The following PTPN13 variants were observed in gnomAD, a reference collection of about 807,000 sequenced individuals.
PTPN13 encodes protein tyrosine phosphatase non-receptor type 13.
Under a neutral mutation model 284.0 loss-of-function variants are expected in PTPN13, and 191 were observed. The observed-to-expected ratio is 0.67, with a 90% CI of 0.60 to 0.76. The LOEUF (loss-of-function observed/expected upper bound fraction) is 0.76, where lower values mean the gene tolerates loss of function less well. Ranked by LOEUF, PTPN13 falls within the 30% of genes least tolerant of loss-of-function variation. The pLI is 0.00. For missense variants in PTPN13, 2,797 were observed against 2,939.9 expected (o/e 0.95, Z 1.12); for synonymous variants, 986 against 1,022.3 (o/e 0.96, Z 0.68).
chr4:86,621,485 TG>T (rs1283973067), intron 1 of PTPN13, among the ~76,000 whole-genome samples: 1 of 152,136 alleles, frequency 6.6e-6, no homozygotes, highest in Admixed American at 6.5e-5. Flanking sequence ...AAAAAGCAAG[TG>T]TTTTTTTTTA....
At chr4:86,603,350 T>A in intron 1 of PTPN13, among the ~76,000 whole-genome samples, 1 of 152,208 alleles carries the variant, frequency 6.6e-6, no homozygotes, top group East Asian at 1.9e-4. Flanking sequence ...TTTGTTAAAA[T>A]GTACATGTTC....
At chr4:86,781,960 G>GAA (rs370324871) in intron 36 of PTPN13, among the ~76,000 whole-genome samples, 1 of 113,882 alleles carries the variant, frequency 8.8e-6, no homozygotes, top group African/African-American at 3.3e-5. Context: ...TGACTCTGTC[G>GAA]AAAAAAAAAA....
At chr4:86,662,276 CT>C (rs1373427250) in intron 2 of PTPN13, among the ~76,000 whole-genome samples, 2 of 152,118 alleles carry the variant, frequency 1.3e-5, no homozygotes, top group East Asian at 3.8e-4. Context: ...ATTTTTATAG[CT>C]GCTTTAATAG....
intron 2 of PTPN13, among the ~76,000 whole-genome samples, chr4:86,635,855 C>T (rs370165307): frequency 1.1e-4 from 16 of 151,978 alleles, no homozygotes; most frequent in East Asian, 7.7e-4. Flanking sequence ...CCCAGCTACT[C>T]GGGAGGCTGA....
At chr4:86,804,155 A>G (rs1490725332) in intron 43 of PTPN13, among the ~76,000 whole-genome samples, 1 of 152,020 alleles carries the variant, frequency 6.6e-6, no homozygotes, top group African/African-American at 2.4e-5. Context: ...ATAAATTTCA[A>G]CCATGCACTA....
At chr4:86,635,139 G>T in intron 1 of PTPN13, 113 bp from the exon 2 acceptor site, 1 of 1,151,224 alleles carries the variant, frequency 8.7e-7, no homozygotes, top group Non-Finnish European at 1.2e-6. Flanking sequence ...GCCATATTGA[G>T]AAATTAGGTA....
intron 1 of PTPN13, among the ~76,000 whole-genome samples, chr4:86,624,857 C>T (rs1721655754): frequency 6.6e-6 from 1 of 152,118 alleles, no homozygotes; most frequent in South Asian, 2.1e-4. Flanking sequence ...TCCAAAAATG[C>T]AATGGTTCTT....
chr4:86,629,512 A>AT (rs1401022183), intron 1 of PTPN13, among the ~76,000 whole-genome samples: 2 of 152,128 alleles, frequency 1.3e-5, no homozygotes, highest in African/African-American at 4.8e-5. Context: ...ACTGTGGTTC[A>AT]TTTTTTAACA....
At chr4:86,597,176 T>A (rs1251378038) in intron 1 of PTPN13, among the ~76,000 whole-genome samples, 1 of 151,938 alleles carries the variant, frequency 6.6e-6, no homozygotes, top group South Asian at 2.1e-4. Context: ...CTTTTTTTTT[T>A]TTTTCCCTGA....
At chr4:86,771,054 A>G (rs1223467010) in intron 30 of PTPN13, 117 bp from the exon 31 acceptor site, 5 of 1,109,932 alleles carry the variant, frequency 4.5e-6, no homozygotes, top group African/African-American at 1.6e-5. Context: ...AATTACTTTT[A>G]TCATCAGAAA....
chr4:86,781,918 G>A (rs142189510), intron 36 of PTPN13, among the ~76,000 whole-genome samples: 2,414 of 148,514 alleles, frequency 0.016, 97 homozygotes, highest in East Asian at 0.095. Flanking sequence ...AGCCGAGATC[G>A]CACCACTGCA....
In PTPN13 at chr4:86,799,167, G is replaced by C. The variant is rs766808559; in HGVS notation, c.6468G>C (p.Leu2156Phe). The C allele has an allele frequency of 6.3e-7, 1 of 1,588,316 alleles. No individual in the cohort carries two copies. Among genetic ancestry groups the C allele is most frequent in the Non-Finnish European group, 8.6e-7 (1 of 1,168,194 alleles). ...DDEITWGNDE[L>F]PIERTNHEDS... The stretch of plus-strand genomic sequence containing the variant: ...AAATAACATGGGGAAATGATGAGTT[G>C]CCAATAGAGAGAACAAACCATGAAG... The change falls in exon 42 of 48, where the codon TTG (leucine) becomes TTC (phenylalanine). Residue 2156 changes from leucine (L) to phenylalanine (F), a missense_variant. By Grantham distance (22) the Leu-to-Phe change is conservative. Coordinates refer to ENST00000411767, the MANE Select transcript of PTPN13 (RefSeq NM_080683.3).
chr4:86,605,000 T>A (rs1477799191), intron 1 of PTPN13, among the ~76,000 whole-genome samples: 1 of 151,984 alleles, frequency 6.6e-6, no homozygotes, highest in Non-Finnish European at 1.5e-5. Flanking sequence ...GAGTGTGAGC[T>A]GAGTCTTGAA....
At chr4:86,643,404 CTT>C (rs1269961944) in intron 2 of PTPN13, among the ~76,000 whole-genome samples, 1 of 151,960 alleles carries the variant, frequency 6.6e-6, no homozygotes, top group African/African-American at 2.4e-5. Flanking sequence ...TTTTTATAGT[CTT>C]ATTATAAGTG....
At chr4:86,606,277 G>C (rs1261568806) in intron 1 of PTPN13, among the ~76,000 whole-genome samples, 1 of 151,652 alleles carries the variant, frequency 6.6e-6, no homozygotes. Context: ...CTGGGATTGG[G>C]GCTGTATTTA....
chr4:86,761,065 C>T (rs1340525830), intron 23 of PTPN13, among the ~76,000 whole-genome samples: 1 of 148,238 alleles, frequency 6.7e-6, no homozygotes, highest in Non-Finnish European at 1.5e-5. Flanking sequence ...TACCCCATTT[C>T]CTAGGGAAAC....
At chr4:86,625,334 A>C (rs1578276910) in intron 1 of PTPN13, among the ~76,000 whole-genome samples, 1 of 151,988 alleles carries the variant, frequency 6.6e-6, no homozygotes, top group East Asian at 1.9e-4. Context: ...GGAAGGCCTT[A>C]ACTATAACCC....
Position 86,607,479 on chromosome 4 carries a change from G to C in PTPN13, c.-6+12690G>C, listed in dbSNP as rs1764885289. ...GTATATTATTTATCTTTACAGTCCT[G>C]TTGAGGTACACGCAATCCTGTGAAG... On this transcript the variant is annotated intron_variant, in intron 1 of 47. Transcript: ENST00000411767. Among the ~76,000 whole-genome samples the C allele has an allele frequency of 2.0e-5, 3 of 151,962 alleles. No individual in the cohort carries two copies. In the South Asian group the frequency reaches 6.2e-4, roughly 31 times the overall value.
chr4:86,711,117 T>TTTTTTTTTTTGGGG (rs1732367517), intron 7 of PTPN13, among the ~76,000 whole-genome samples: 1 of 148,736 alleles, frequency 6.7e-6, no homozygotes, highest in Non-Finnish European at 1.5e-5. Flanking sequence ...TTTTTTTTTT[T>TTTTTTTTTTTGGGG]GGAGAGATGG....
Sources: gnomAD v4.1 joint callset for allele counts (sites outside exome capture counted in the v4.1 genomes callset) on GRCh38, gnomAD v4.1.1 for gene constraint, MANE v1.5 for transcripts, NCBI Gene and HGNC (gene_info 2026-07-23, HGNC 2026-07-21) for gene names.